Variants in DOCK8 observed in about 807,000 individuals in gnomAD.
DOCK8 encodes the protein dedicator of cytokinesis protein 8.
DOCK8 carries 141 observed loss-of-function variants against 245.6 expected under a neutral mutation model. That is an observed-to-expected ratio of 0.57 (90% CI 0.50 to 0.66). The LOEUF is 0.66. Ranked by LOEUF, DOCK8 falls within the 30% of genes least tolerant of loss-of-function variation. The pLI is 0.00. For synonymous variants in DOCK8, 1,168 were observed against 970.2 expected (o/e 1.20, Z -3.79); for missense variants, 2,965 against 2,603.4 (o/e 1.14, Z -3.02).
intron 2 of DOCK8, among the ~76,000 whole-genome samples, chr9:283,959 C>T (rs771027044): frequency 3.3e-5 from 5 of 152,124 alleles, no homozygotes; most frequent in Non-Finnish European, 5.9e-5. Context: ...GAATGCATAC[C>T]TCACAGGGTT....
chr9:403,990 A>G lies in DOCK8; in HGVS notation c.3235-928A>G, dbSNP rs868361149. On this transcript the variant is annotated intron_variant, in intron 26 of 47. Transcript: ENST00000432829. ...TATATATATATGTGTATATATATAT[A>G]TGTGTATATATATATATATATAGTT... Among the ~76,000 whole-genome samples the G allele has an allele frequency of 2.7e-4, 22 of 81,704 alleles. 1 individual carries two copies. Among genetic ancestry groups the G allele is most frequent in the African/African-American group, 4.0e-4 (6 of 15,180 alleles). The allele number at this position is 81,704 out of a possible 152,430, so 53.6% of individuals were successfully genotyped here. A position where few individuals can be genotyped will look rare whatever the true frequency, so the allele number is the denominator to read the frequency against.
chr9:461,349 G>A (rs2057798335), intron 46 of DOCK8, among the ~76,000 whole-genome samples: 2 of 152,016 alleles, frequency 1.3e-5, no homozygotes, highest in African/African-American at 4.8e-5. Flanking sequence ...TCTATTAGAT[G>A]TGGGTTGGAT....
intron 26 of DOCK8, among the ~76,000 whole-genome samples, chr9:400,826 AT>A (rs1564015660): frequency 7.0e-4 from 18 of 25,574 alleles, no homozygotes; most frequent in East Asian, 3.0e-3. Flanking sequence ...CACCTCCACC[AT>A]CACCATCACC....
intron 10 of DOCK8, among the ~76,000 whole-genome samples, chr9:332,682 G>C (rs1034209597): frequency 1.6e-5 from 2 of 124,038 alleles, no homozygotes; most frequent in Non-Finnish European, 3.2e-5. Context: ...TTTTGAGGCA[G>C]TGTCTTACTT....
At chr9:454,478 TATCCC>T (rs1260539587) in intron 46 of DOCK8, 2 of 144,768 alleles carry the variant, frequency 1.4e-5, no homozygotes, top group Non-Finnish European at 3.2e-5. Flanking sequence ...TCTTGGAACC[TATCCC>T]CGAGAATGAG....
At chr9:231,459 G>C (rs2047114949) in intron 1 of DOCK8, among the ~76,000 whole-genome samples, 1 of 152,156 alleles carries the variant, frequency 6.6e-6, no homozygotes, top group Non-Finnish European at 1.5e-5. Context: ...GTAGCTTGAT[G>C]CGGATGGCTT....
chr9:294,405 G>A (rs192885009), intron 4 of DOCK8, among the ~76,000 whole-genome samples: 1 of 152,160 alleles, frequency 6.6e-6, no homozygotes. Context: ...CATTAAACTG[G>A]CGTGTTCCCA....
At chr9:373,416 C>A (rs1420211149) in intron 18 of DOCK8, among the ~76,000 whole-genome samples, 1 of 152,192 alleles carries the variant, frequency 6.6e-6, no homozygotes, top group Admixed American at 6.5e-5. Flanking sequence ...TTAGTATCAT[C>A]AAATATTCAG....
intron 5 of DOCK8, 49 bp from the exon 6 acceptor site, chr9:311,905 T>C: frequency 6.2e-7 from 1 of 1,605,094 alleles, no homozygotes; most frequent in Non-Finnish European, 8.5e-7. Context: ...TCGGTTCTCA[T>C]TTTAGACTTG....
chr9:441,460 A>G (rs766767597), intron 41 of DOCK8, 43 bp downstream of exon 41: 2 of 1,613,522 alleles, frequency 1.2e-6, no homozygotes, highest in Non-Finnish European at 1.7e-6. Context: ...ACCTGGTGGC[A>G]GGCGACCCTG....
chr9:226,663 A>G (rs1034681386), intron 1 of DOCK8, among the ~76,000 whole-genome samples: 2 of 152,170 alleles, frequency 1.3e-5, no homozygotes, highest in Non-Finnish European at 2.9e-5. Context: ...AGGGTTGGAT[A>G]TTGATGCTTT....
chr9:361,292 G>C (rs2052716990), intron 14 of DOCK8, among the ~76,000 whole-genome samples: 1 of 152,108 alleles, frequency 6.6e-6, no homozygotes, highest in South Asian at 2.1e-4. Context: ...GAGAGAAATG[G>C]AAAAATGAAG....
At chr9:267,926 C>T (rs964423958) in intron 1 of DOCK8, 3 of 152,094 alleles carry the variant, frequency 2.0e-5, no homozygotes, top group Admixed American at 6.6e-5. Context: ...TTTCCCAAAG[C>T]GAGATAGTTA....
chr9:400,023 C>CA (rs1388193541), intron 26 of DOCK8, among the ~76,000 whole-genome samples: 1 of 125,308 alleles, frequency 8.0e-6, no homozygotes, highest in African/African-American at 3.7e-5. Flanking sequence ...TCACCACCAC[C>CA]TCCACCATCA....
At chr9:306,318 G>A (rs939627959) in intron 5 of DOCK8, among the ~76,000 whole-genome samples, 1 of 152,134 alleles carries the variant, frequency 6.6e-6, no homozygotes. Context: ...CGCTAAATAT[G>A]ACAGGCTTAC....
intron 32 of DOCK8, 51 bp downstream of exon 32, chr9:421,129 T>C (rs1340504856): frequency 2.2e-5 from 35 of 1,611,642 alleles, no homozygotes; most frequent in Non-Finnish European, 2.9e-5. Flanking sequence ...TTTTCACTGT[T>C]TGTGGGGAGG....
intron 14 of DOCK8, among the ~76,000 whole-genome samples, chr9:355,760 C>G (rs957843492): frequency 6.6e-6 from 1 of 152,106 alleles, no homozygotes; most frequent in Non-Finnish European, 1.5e-5. Context: ...TTGCACAGCA[C>G]CCCAGCACCT....
At chr9:227,808 T>C (rs1306450015) in intron 1 of DOCK8, among the ~76,000 whole-genome samples, 3 of 152,102 alleles carry the variant, frequency 2.0e-5, no homozygotes, top group South Asian at 4.1e-4. Flanking sequence ...AGAAGAGGAA[T>C]GGGCCTAGAG....
At chr9:274,433 C>T (rs13287938) in intron 2 of DOCK8, among the ~76,000 whole-genome samples, 9,612 of 150,814 alleles carry the variant, frequency 0.064, 345 homozygotes, top group Non-Finnish European at 0.091. Context: ...ACCTGGAGAA[C>T]GGAGGCATGT....
Sources: allele counts gnomAD v4.1 joint callset (sites outside exome capture counted in the v4.1 genomes callset), GRCh38; gene constraint gnomAD v4.1.1; transcripts MANE v1.5; gene names NCBI Gene and HGNC (gene_info 2026-07-23, HGNC 2026-07-21).